Variants in APBB2 observed in about 807,000 individuals in gnomAD.
The protein encoded by APBB2 is amyloid beta precursor protein binding family B member 2.
APBB2 carries 38 observed loss-of-function variants against 82.5 expected under a neutral mutation model. That is an observed-to-expected ratio of 0.46 (90% CI 0.36 to 0.60). The LOEUF is 0.60. APBB2 is among the 20% of genes least tolerant of loss of function. The probability of loss-of-function intolerance (pLI) is 0.00; values close to 1 mark genes in which losing one functional copy is unlikely to be tolerated. For missense variants in APBB2, 772 were observed against 972.3 expected, an observed-to-expected ratio of 0.79 and a Z score of 2.74; for synonymous variants, 341 against 368.2, an observed-to-expected ratio of 0.93 and a Z score of 0.85.
chr4:40,875,693 A>T (rs956917094), intron 12 of APBB2, among the ~76,000 whole-genome samples: 12 of 152,194 alleles, frequency 7.9e-5, no homozygotes, highest in African/African-American at 2.9e-4. Flanking sequence ...GCTCTAGGGA[A>T]ATGTATTTTT....
chr4:41,207,075 TG>T (rs1778125883), intron 1 of APBB2, among the ~76,000 whole-genome samples: 1 of 151,802 alleles, frequency 6.6e-6, no homozygotes, highest in Non-Finnish European at 1.5e-5. Context: ...GGCGGGCACC[TG>T]TAGTTCCAAC....
At position 40,881,368 on chromosome 4, in the gene APBB2, C is replaced by T. The variant is rs577374574; in HGVS notation, c.1529+8996G>A. On this transcript the variant is annotated intron_variant, in intron 12 of 17. Transcript: ENST00000508593. ...GCTCAGAGAATCCCCTACTAGATGT[C>T]ATCAGGAAACTCTACTTCTTCCAGA... 4.1e-6 allele frequency: 4 copies of T among 985,058 alleles called. No individual in the cohort carries two copies. In the African/African-American group the frequency reaches 7.0e-5, roughly 17 times the overall value. The allele number at this position is 985,058 out of a possible 1,614,324, so 61.0% of individuals were successfully genotyped here. A position where few individuals can be genotyped will look rare whatever the true frequency, so the allele number is the denominator to read the frequency against.
rs1220368326 is a variant in APBB2 at position 40,825,995 on chromosome 4, C to A, written c.1733-25G>T. On this transcript the variant is annotated intron_variant, in intron 14 of 17. Transcript: ENST00000508593. Reference sequence around the variant, plus strand: ...ACTACAGGGAACAAAAGCAACACATCTTTCTCAGTGGTTCCAACACACATG... The same window carrying A: ...ACTACAGGGAACAAAAGCAACACATATTTCTCAGTGGTTCCAACACACATG... The A allele has an allele frequency of 1.9e-6, 3 of 1,583,612 alleles. No homozygotes were observed. In the African/African-American group the frequency reaches 4.0e-5, roughly 21 times the overall value.
chr4:40,879,561 T>TA (rs1767844733), intron 12 of APBB2, among the ~76,000 whole-genome samples: 1 of 152,222 alleles, frequency 6.6e-6, no homozygotes, highest in South Asian at 2.1e-4. Context: ...ACCAACTCGT[T>TA]AGTTGAGACT....
At chr4:41,137,399 T>C (rs1347885675) in intron 2 of APBB2, among the ~76,000 whole-genome samples, 1 of 152,152 alleles carries the variant, frequency 6.6e-6, no homozygotes, top group African/African-American at 2.4e-5. Flanking sequence ...CTTAAAGTCA[T>C]ATATATAGTA....
intron 1 of APBB2, among the ~76,000 whole-genome samples, chr4:41,211,276 A>AATG (rs980408076): frequency 9.2e-5 from 14 of 151,622 alleles, no homozygotes; most frequent in Non-Finnish European, 2.1e-4. Context: ...TAATAATAAT[A>AATG]ATACTAGGCA....
At chr4:41,180,997 T>C (rs930780249) in intron 1 of APBB2, among the ~76,000 whole-genome samples, 5 of 152,106 alleles carry the variant, frequency 3.3e-5, no homozygotes, top group Non-Finnish European at 5.9e-5. Flanking sequence ...GTTAACAGAA[T>C]AGGTGCTCTC....
chr4:40,815,678 AAGTGCTGT>A lies in APBB2; in HGVS notation c.*406_*413del, dbSNP rs1745406804. ...CTACTCCAATGTTGAAAACAGGGCAAAGTGCTGTAGGACTTAAAGGTTGCTTGTGACAG... is the reference window on the plus strand; with the variant it reads ...CTACTCCAATGTTGAAAACAGGGCAAAGGACTTAAAGGTTGCTTGTGACAG... On this transcript the variant is annotated 3_prime_UTR_variant, in exon 18 of 18. Transcript: ENST00000508593. The A allele has an allele frequency of 5.8e-6, 1 of 172,962 alleles. No homozygotes were observed. Among genetic ancestry groups the A allele is most frequent in the African/African-American group, 2.4e-5 (1 of 42,426 alleles). The allele number at this position is 172,962 out of a possible 1,614,324, so 10.7% of individuals were successfully genotyped here. A position where few individuals can be genotyped will look rare whatever the true frequency, so the allele number is the denominator to read the frequency against.
At chr4:40,951,235 G>A (rs1790050888) in intron 6 of APBB2, among the ~76,000 whole-genome samples, 2 of 75,700 alleles carry the variant, frequency 2.6e-5, no homozygotes, top group Non-Finnish European at 5.6e-5. Flanking sequence ...TTATAATTAT[G>A]TGTTAAGCTG....
At chr4:41,028,248 G>A (rs541024014) in intron 5 of APBB2, among the ~76,000 whole-genome samples, 6 of 152,346 alleles carry the variant, frequency 3.9e-5, no homozygotes, top group East Asian at 3.9e-4. Context: ...AGCGCAGAGC[G>A]CACACTCTAG....
At position 40,920,530 on chromosome 4, in the gene APBB2, AC is replaced by A. The variant is rs547095223; in HGVS notation, c.1254+13925del. On this transcript the variant is annotated intron_variant, in intron 10 of 17. Transcript: ENST00000508593. The stretch of plus-strand genomic sequence containing the variant: ...AAGGAACAGAACTCCCACCACAACA[AC>A]CCCACAGGGAATCAGGGGACCAAAC... Among the ~76,000 whole-genome samples, 983 of 152,204 alleles carry A rather than the reference AC, an allele frequency of 6.5e-3. 14 individuals carry two copies. Among genetic ancestry groups the A allele is most frequent in the African/African-American group, 0.022 (933 of 41,530 alleles).
intron 10 of APBB2, among the ~76,000 whole-genome samples, chr4:40,931,675 T>A (rs1784255284): frequency 6.6e-6 from 1 of 152,232 alleles, no homozygotes; most frequent in African/African-American, 2.4e-5. Flanking sequence ...TGTTAGCAGC[T>A]GTGCAAATCT....
intron 12 of APBB2, among the ~76,000 whole-genome samples, chr4:40,837,691 T>G (rs1274459654): frequency 6.6e-6 from 1 of 152,226 alleles, no homozygotes; most frequent in Non-Finnish European, 1.5e-5. Flanking sequence ...CCAGGAGCCA[T>G]CTGCTGCCCA....
At chr4:40,936,628 T>C (rs1785431162) in intron 7 of APBB2, among the ~76,000 whole-genome samples, 1 of 152,214 alleles carries the variant, frequency 6.6e-6, no homozygotes, top group Non-Finnish European at 1.5e-5. Flanking sequence ...CCATTATTAC[T>C]ATTGCACATG....
chr4:40,895,393 T>G (rs1327740055), intron 10 of APBB2, among the ~76,000 whole-genome samples: 4 of 152,132 alleles, frequency 2.6e-5, no homozygotes, highest in African/African-American at 9.7e-5. Flanking sequence ...TGGGGAAAGG[T>G]TCTGCACATG....
chr4:40,832,813 G>A lies in APBB2; in HGVS notation c.1530-2236C>T, dbSNP rs1163507456. Among the ~76,000 whole-genome samples, 2 of 152,194 alleles carry A rather than the reference G, an allele frequency of 1.3e-5. No homozygotes were observed. Among genetic ancestry groups the A allele is most frequent in the African/African-American group, 2.4e-5 (1 of 41,440 alleles). ...ACGACTGTGCCTAACTCATCCCAGC[G>A]TCTAGTTCAGGCCTGGCGTATCACC... On this transcript the variant is annotated intron_variant, in intron 12 of 17. Transcript: ENST00000508593. The surrounding 1 kb of genome is among the most constrained non-coding windows in gnomAD (Gnocchi z 4.8).
intron 5 of APBB2, among the ~76,000 whole-genome samples, chr4:41,031,683 C>T (rs1716880368): frequency 6.6e-6 from 1 of 152,162 alleles, no homozygotes; most frequent in Non-Finnish European, 1.5e-5. Flanking sequence ...ATTTTATACA[C>T]TTGCCAGCTT....
chr4:40,933,491 C>T (rs1784708509), intron 10 of APBB2, among the ~76,000 whole-genome samples: 3 of 152,168 alleles, frequency 2.0e-5, no homozygotes, highest in South Asian at 4.1e-4. Flanking sequence ...GGCTCACCCC[C>T]ACTGAGTCGC....
chr4:41,021,688 A>C (rs6843301), intron 5 of APBB2, among the ~76,000 whole-genome samples: 6 of 152,178 alleles, frequency 3.9e-5, no homozygotes, highest in African/African-American at 1.4e-4. Flanking sequence ...AAATAAGGGA[A>C]TAAAAGCTGG....
Sources: gnomAD v4.1 joint callset for allele counts (sites outside exome capture counted in the v4.1 genomes callset) on GRCh38, gnomAD v4.1.1 for gene constraint, Gnocchi (gnomAD v3.1) non-coding constraint, MANE v1.5 for transcripts, NCBI Gene and HGNC (gene_info 2026-07-23, HGNC 2026-07-21) for gene names.